The following PKM variants were observed in gnomAD, a reference collection of about 807,000 sequenced individuals.
PKM encodes pyruvate kinase PKM.
PKM carries 18 observed loss-of-function variants against 49.8 expected under a neutral mutation model. The ratio of observed to expected loss-of-function variants is 0.36; its 90% CI spans 0.25 to 0.54. The LOEUF (loss-of-function observed/expected upper bound fraction) is 0.54, where lower values mean the gene tolerates loss of function less well. Ranked by LOEUF, PKM falls within the 20% of genes least tolerant of loss-of-function variation. PKM has a pLI of 0.89. For missense variants in PKM, 508 were observed against 713.8 expected, an observed-to-expected ratio of 0.71 and a Z score of 3.28; for synonymous variants, 239 against 261.8, an observed-to-expected ratio of 0.91 and a Z score of 0.84.
At position 72,202,232 on chromosome 15, in the gene PKM, T is replaced by C; in HGVS notation, c.1307+222A>G. 1 of 589,438 alleles carries C rather than the reference T, an allele frequency of 1.7e-6. No homozygotes were observed. The highest frequency in any genetic ancestry group is 2.0e-5 in the South Asian group (1 of 50,562). The allele number at this position is 589,438 out of a possible 1,614,324, so 36.5% of individuals were successfully genotyped here. Reference sequence around the variant, plus strand: ...ATAAATCTCCAGCATAAATTTGCTTTTGATCCAAATGTTCTGACATTCCTT... The same window carrying C: ...ATAAATCTCCAGCATAAATTTGCTTCTGATCCAAATGTTCTGACATTCCTT... On this transcript the variant is annotated intron_variant, in intron 9 of 10. Transcript: ENST00000335181. The surrounding 1 kb of genome is among the most constrained non-coding windows in gnomAD (Gnocchi z 4.5).
intron 8 of PKM, 63 bp downstream of exon 8, chr15:72,206,665 A>AGCTT: frequency 6.6e-7 from 1 of 1,523,352 alleles, no homozygotes; most frequent in South Asian, 1.1e-5. Context: ...TCTGCACCAG[A>AGCTT]GCTTGCATCC....
chr15:72,218,924 G>A lies in PKM; in HGVS notation c.154+20C>T, dbSNP rs1486507294. ...CTGCCCATGAAGCCCTTTTTTGGGG[G>A]AAGGGGCACACCCACTCACCAATGG... On this transcript the variant is annotated intron_variant, in intron 2 of 10. Transcript: ENST00000335181. The A allele has an allele frequency of 5.6e-6, 9 of 1,613,646 alleles. No individual in the cohort carries two copies. The highest frequency in any genetic ancestry group is 4.5e-5 in the East Asian group (2 of 44,890).
intron 6 of PKM, among the ~76,000 whole-genome samples, chr15:72,207,886 C>T (rs767024121): frequency 9.9e-5 from 15 of 152,274 alleles, no homozygotes; most frequent in Non-Finnish European, 1.9e-4. Context: ...AGTGGGTGCA[C>T]AGGGTTGCTC....
intron 1 of PKM, among the ~76,000 whole-genome samples, chr15:72,230,427 C>T (rs1294984976): frequency 3.3e-5 from 5 of 152,288 alleles, no homozygotes; most frequent in African/African-American, 1.2e-4. Context: ...GGGGTGGGAC[C>T]GCGCTCGGAG....
At chr15:72,221,381 C>G in intron 1 of PKM, 1 of 647,960 alleles carries the variant, frequency 1.5e-6, no homozygotes, top group Non-Finnish European at 2.7e-6. Flanking sequence ...GACAGCTGCT[C>G]TAGAGATTCC....
At chr15:72,207,337 T>A in intron 6 of PKM, 60 bp from the exon 7 acceptor site, 1 of 1,483,666 alleles carries the variant, frequency 6.7e-7, no homozygotes. Context: ...AGTATGGCAG[T>A]AGACAAGAAG....
chr15:72,224,106 T>G (rs1027147102), intron 1 of PKM, among the ~76,000 whole-genome samples: 2 of 152,148 alleles, frequency 1.3e-5, no homozygotes, highest in Non-Finnish European at 2.9e-5. Flanking sequence ...CAGAGACCCC[T>G]CAATGTCCTC....
Position 72,202,433 on chromosome 15 carries a change from G to A in PKM, c.1307+21C>T. On this transcript the variant is annotated intron_variant, in intron 9 of 10. Coordinates refer to ENST00000335181, the MANE Select transcript of PKM (RefSeq NM_002654.6). The surrounding 1 kb of genome is among the most constrained non-coding windows in gnomAD (Gnocchi z 4.5). ...GGTACCACTGAGCAGGGCATTCCAG[G>A]GAGCCGCTGCCGCCTCCTACCTGCC... The A allele has an allele frequency of 1.9e-6, 3 of 1,608,004 alleles. No homozygotes were observed. Among genetic ancestry groups the A allele is most frequent in the Non-Finnish European group, 2.5e-6 (3 of 1,177,858 alleles).
At position 72,227,781 on chromosome 15, in the gene PKM, A is replaced by AAAAAAC. The variant is rs1455612743; in HGVS notation, c.-14+3334_-14+3335insGTTTTT. Among the ~76,000 whole-genome samples, 3 of 135,618 alleles carry AAAAAAC rather than the reference A, an allele frequency of 2.2e-5. No individual in the cohort carries two copies. In the East Asian group the frequency reaches 7.0e-4, roughly 32 times the overall value. The allele number at this position is 135,618 out of a possible 152,430, so 89.0% of individuals were successfully genotyped here. ...AAAAAAAAAAAAAAAAAAACAAAAA[A>AAAAAAC]CTGAAGCAAAATAAACTAAAACCCA... On this transcript the variant is annotated intron_variant, in intron 1 of 10. Transcript: ENST00000335181.
At chr15:72,223,023 C>CTTT (rs755504486) in intron 1 of PKM, among the ~76,000 whole-genome samples, 1 of 132,110 alleles carries the variant, frequency 7.6e-6, no homozygotes, top group Admixed American at 7.6e-5. Context: ...TTTTTTTTTT[C>CTTT]TTTTTTTTTT....
chr15:72,227,778 AAAACTG>A, intron 1 of PKM, among the ~76,000 whole-genome samples: 1 of 128,788 alleles, frequency 7.8e-6, no homozygotes, highest in Non-Finnish European at 1.7e-5. Context: ...AAAAAAACAA[AAAACTG>A]AAGCAAAATA....
intron 1 of PKM, among the ~76,000 whole-genome samples, chr15:72,221,885 C>T (rs2140771137): frequency 6.9e-6 from 1 of 145,218 alleles, no homozygotes; most frequent in South Asian, 2.2e-4. Flanking sequence ...GTTTCAACGG[C>T]TTAAGAAGGT....
intron 1 of PKM, among the ~76,000 whole-genome samples, chr15:72,230,468 CAG>C (rs1218141680): frequency 6.6e-6 from 1 of 152,024 alleles, no homozygotes; most frequent in Non-Finnish European, 1.5e-5. Context: ...GCGACCAGAG[CAG>C]AGAGGGAGGG....
chr15:72,220,384 C>G (rs1370986346), intron 1 of PKM, among the ~76,000 whole-genome samples: 1 of 152,160 alleles, frequency 6.6e-6, no homozygotes, highest in Non-Finnish European at 1.5e-5. Flanking sequence ...ACTTTGTGGG[C>G]TCTCTGGGTG....
Position 72,210,526 on chromosome 15 carries a change from C to G in PKM, c.247-48G>C, listed in dbSNP as rs574531255. 10 of 1,611,692 alleles carry G rather than the reference C, an allele frequency of 6.2e-6. No homozygotes were observed. In the South Asian group the frequency reaches 9.9e-5, roughly 16 times the overall value. Reference sequence around the variant, plus strand: ...ACAAGCGTGCTCCCACACTAGAATCCAGCTCCAATTCCCCTGCCCAGGAGC... The same window carrying G: ...ACAAGCGTGCTCCCACACTAGAATCGAGCTCCAATTCCCCTGCCCAGGAGC... On this transcript the variant is annotated intron_variant, in intron 3 of 10. Transcript: ENST00000335181.
At chr15:72,230,782 G>T (rs760999985) in intron 1 of PKM, 10 of 426,440 alleles carry the variant, frequency 2.3e-5, no homozygotes, top group Non-Finnish European at 3.8e-5. Context: ...AATCAATCAC[G>T]AGGGACCGAG....
rs911405458 is a variant in PKM at position 72,200,301 on chromosome 15, G to A, written c.1489+173C>T. On this transcript the variant is annotated intron_variant, in intron 10 of 10. Coordinates refer to ENST00000335181, the MANE Select transcript of PKM (RefSeq NM_002654.6). This position sits in a 1 kb window ranked among gnomAD's most constrained non-coding sequence, Gnocchi z 4.6. ...CTCAGCTTAGGACTTCGGAGAATGAGAGATTCAGAATGAACATTCCCAATA... is the reference window on the plus strand; with the variant it reads ...CTCAGCTTAGGACTTCGGAGAATGAAAGATTCAGAATGAACATTCCCAATA... Among the ~76,000 whole-genome samples, 2 of 152,196 alleles carry A rather than the reference G, an allele frequency of 1.3e-5. No individual in the cohort carries two copies. The highest frequency in any genetic ancestry group is 2.4e-5 in the African/African-American group (1 of 41,434).
chr15:72,214,850 A>C (rs1255796780), intron 3 of PKM, among the ~76,000 whole-genome samples: 2 of 152,176 alleles, frequency 1.3e-5, no homozygotes, highest in Non-Finnish European at 2.9e-5. Flanking sequence ...ATGGAACCAC[A>C]TGTTCAGCAA....
chr15:72,200,647 T>C lies in PKM; in HGVS notation c.1316A>G (p.His439Arg). Residue 439 changes from histidine (H) to arginine (R), a missense_variant, in exon 10 of 11, where the codon CAC becomes CGC. Transcript: ENST00000335181. The surrounding 1 kb of genome is among the most constrained non-coding windows in gnomAD (Gnocchi z 4.6). Reference sequence around the variant, plus strand: ...ACGTGGGCGGTATCTGGCCACCTGGTGAGCAGACCTGAGATGGGATGGGGG... The same window carrying C: ...ACGTGGGCGGTATCTGGCCACCTGGCGAGCAGACCTGAGATGGGATGGGGG... ...IVLTKSGRSA[H>R]QVARYRPRAP... The C allele has an allele frequency of 6.2e-7, 1 of 1,612,192 alleles. No individual in the cohort carries two copies. The highest frequency in any genetic ancestry group is 8.5e-7 in the Non-Finnish European group (1 of 1,178,712).
Sources: gnomAD v4.1 joint callset for allele counts (sites outside exome capture counted in the v4.1 genomes callset) on GRCh38, gnomAD v4.1.1 for gene constraint, Gnocchi (gnomAD v3.1) non-coding constraint, MANE v1.5 for transcripts, NCBI Gene and HGNC (gene_info 2026-07-23, HGNC 2026-07-21) for gene names.